RAB27B: variants seen among roughly 807,000 people sequenced by gnomAD.
RAB27B encodes ras-related protein Rab-27B.
Under a neutral mutation model 24.6 loss-of-function variants are expected in RAB27B, and 15 were observed. The ratio of observed to expected loss-of-function variants is 0.61; its 90% CI spans 0.41 to 0.94. The LOEUF (loss-of-function observed/expected upper bound fraction) is 0.94, where lower values mean the gene tolerates loss of function less well. Ranked by LOEUF, RAB27B falls within the 40% of genes least tolerant of loss-of-function variation. The probability of loss-of-function intolerance (pLI) is 0.00; values close to 1 mark genes in which losing one functional copy is unlikely to be tolerated. For synonymous variants in RAB27B, 105 were observed against 92.5 expected (o/e 1.14, Z -0.78); for missense variants, 261 against 266.8 (o/e 0.98, Z 0.15).
chr18:54,847,829 G>A (rs1911398912), intron 1 of RAB27B, among the ~76,000 whole-genome samples: 1 of 148,380 alleles, frequency 6.7e-6, no homozygotes, highest in South Asian at 2.2e-4. Context: ...TAACACATTT[G>A]GGACTCGTTT....
intron 1 of RAB27B, among the ~76,000 whole-genome samples, chr18:54,849,027 G>T (rs570939077): frequency 6.6e-6 from 1 of 152,254 alleles, no homozygotes; most frequent in East Asian, 1.9e-4. Flanking sequence ...CCAGCAGAAC[G>T]TCTGGGATTT....
chr18:54,819,863 A>G lies in RAB27B; in HGVS notation c.-19-57704A>G, dbSNP rs1340944253. Among the ~76,000 whole-genome samples, 3 of 149,460 alleles carry G rather than the reference A, an allele frequency of 2.0e-5. No homozygotes were observed. The South Asian group carries it at 6.3e-4, about 32-fold the overall frequency. On this transcript the variant is annotated intron_variant, in intron 2 of 4. Coordinates refer to the RAB27B transcript ENST00000586570. ...TCAATTCCCACCTATGAGTGAGAAC[A>G]TGCAGTGTTTGGTTTTTTGTCCTTG...
At chr18:54,792,995 G>A (rs1909300812) in intron 2 of RAB27B, among the ~76,000 whole-genome samples, 1 of 151,858 alleles carries the variant, frequency 6.6e-6, no homozygotes, top group Non-Finnish European at 1.5e-5. Flanking sequence ...TACGGATTTT[G>A]CATCCCATGA....
At chr18:54,868,400 A>G (rs369086788) in intron 1 of RAB27B, among the ~76,000 whole-genome samples, 3 of 152,220 alleles carry the variant, frequency 2.0e-5, no homozygotes, top group Admixed American at 6.5e-5. Context: ...TGCCAGCACC[A>G]TGCTTCCTGT....
At chr18:54,835,733 GTAA>G (rs905871913) in intron 1 of RAB27B, among the ~76,000 whole-genome samples, 3 of 152,026 alleles carry the variant, frequency 2.0e-5, no homozygotes, top group Non-Finnish European at 4.4e-5. Context: ...AGCAGTAATA[GTAA>G]TAAGATGAAA....
intron 2 of RAB27B, among the ~76,000 whole-genome samples, chr18:54,771,544 A>G (rs951093632): frequency 1.3e-5 from 2 of 151,922 alleles, no homozygotes; most frequent in African/African-American, 4.8e-5. Context: ...GCAAGAAATC[A>G]AAGTTGGAAG....
intron 1 of RAB27B, among the ~76,000 whole-genome samples, chr18:54,855,806 A>G (rs959153601): frequency 2.6e-5 from 4 of 152,226 alleles, no homozygotes; most frequent in African/African-American, 9.6e-5. Flanking sequence ...TAGATTCAAC[A>G]TACAAGGTAC....
At chr18:54,783,247 A>C (rs893100511) in intron 2 of RAB27B, among the ~76,000 whole-genome samples, 1 of 152,110 alleles carries the variant, frequency 6.6e-6, no homozygotes, top group Non-Finnish European at 1.5e-5. Flanking sequence ...GATTACAAGC[A>C]TGAGCCATCA....
intron 1 of RAB27B, among the ~76,000 whole-genome samples, chr18:54,869,981 G>A (rs1912397981): frequency 6.6e-6 from 1 of 152,024 alleles, no homozygotes; most frequent in Admixed American, 6.6e-5. Flanking sequence ...TCAGAAAACA[G>A]TCCCAGACAA....
chr18:54,786,568 C>T (rs573601689), intron 2 of RAB27B, among the ~76,000 whole-genome samples: 2 of 152,282 alleles, frequency 1.3e-5, no homozygotes, highest in African/African-American at 2.4e-5. Flanking sequence ...ACTCTAGACA[C>T]ATATTTTGTG....
At chr18:54,877,126 G>A (rs1231569650) in intron 1 of RAB27B, among the ~76,000 whole-genome samples, 2 of 152,090 alleles carry the variant, frequency 1.3e-5, no homozygotes, top group East Asian at 3.9e-4. Flanking sequence ...AGATCTGATG[G>A]TTTTATAAGG....
rs570175685 is a variant in RAB27B, at chr18:54,820,580, G to T, written c.-19-56987G>T. Among the ~76,000 whole-genome samples the T allele has an allele frequency of 4.6e-5, 7 of 152,250 alleles. No homozygotes were observed. In the South Asian group the frequency reaches 1.5e-3, roughly 32 times the overall value. ...ATTTTGTAGGTTGCCTGTTCACTCT[G>T]ATGGTAGTTTCTTTTGCTGTGCAGA... is the stretch of plus-strand genomic sequence containing the variant. On this transcript the variant is annotated intron_variant, in intron 2 of 4. Transcript: ENST00000586570.
At chr18:54,848,126 G>A (rs1911412333) in intron 1 of RAB27B, among the ~76,000 whole-genome samples, 2 of 152,212 alleles carry the variant, frequency 1.3e-5, no homozygotes, top group Admixed American at 1.3e-4. Flanking sequence ...CTCAGTGACT[G>A]GCACAGGTGT....
At chr18:54,741,281 A>G in intron 2 of RAB27B, among the ~76,000 whole-genome samples, 1 of 152,128 alleles carries the variant, frequency 6.6e-6, no homozygotes, top group Non-Finnish European at 1.5e-5. Flanking sequence ...CTGTTCCTTA[A>G]AGCTAAAGAG....
chr18:54,879,777 A>G (rs1912848668), intron 3 of RAB27B: 1 of 229,936 alleles, frequency 4.3e-6, no homozygotes, highest in African/African-American at 2.2e-5. Flanking sequence ...ACGCCGTTAT[A>G]AGTGCTACTT....
At chr18:54,840,836 A>G (rs535454506) in intron 1 of RAB27B, among the ~76,000 whole-genome samples, 8 of 152,008 alleles carry the variant, frequency 5.3e-5, no homozygotes, top group Non-Finnish European at 1.2e-4. Context: ...TTTCCCACCT[A>G]TTTAACATCT....
intron 2 of RAB27B, among the ~76,000 whole-genome samples, chr18:54,774,550 C>G (rs539070036): frequency 6.6e-6 from 1 of 152,316 alleles, no homozygotes; most frequent in South Asian, 2.1e-4. Context: ...CTAGAATATC[C>G]TCATCCTCAT....
chr18:54,891,034 G>A lies in RAB27B; in HGVS notation c.*1621G>A, dbSNP rs374748223. On this transcript the variant is annotated 3_prime_UTR_variant, in exon 6 of 6. Coordinates refer to ENST00000262094, the MANE Select transcript of RAB27B (RefSeq NM_004163.4). Reference sequence around the variant, plus strand: ...TGATTTTTTGACAGGCTGTTTCCTCGTCGTATAGATTTTTTCCAATCAAAC... The same window carrying A: ...TGATTTTTTGACAGGCTGTTTCCTCATCGTATAGATTTTTTCCAATCAAAC... 4.7e-5 allele frequency: 7 copies of A among 150,516 alleles called. No individual in the cohort carries two copies. In the East Asian group the frequency reaches 7.9e-4, roughly 17 times the overall value. 9.3% of individuals were successfully genotyped at this position (150,516 alleles called of 1,614,324 possible). A position where few individuals can be genotyped will look rare whatever the true frequency, so the allele number is the denominator to read the frequency against.
chr18:54,818,021 C>G (rs1910172384), intron 2 of RAB27B, among the ~76,000 whole-genome samples: 1 of 152,144 alleles, frequency 6.6e-6, no homozygotes, highest in Non-Finnish European at 1.5e-5. Flanking sequence ...GGTTAAGCCA[C>G]AAATCCTGAC....
Sources: allele counts gnomAD v4.1 joint callset (sites outside exome capture counted in the v4.1 genomes callset), GRCh38; gene constraint gnomAD v4.1.1; transcripts MANE v1.5; gene names NCBI Gene and HGNC (gene_info 2026-07-23, HGNC 2026-07-21).